Variants in IL1RAPL2 observed in about 807,000 individuals in gnomAD.
The protein encoded by IL1RAPL2 is interleukin 1 receptor accessory protein like 2.
In IL1RAPL2, 3 loss-of-function variants were observed where a neutral mutation model predicts 44.1. The observed-to-expected ratio is 0.07, with a 90% CI of 0.03 to 0.18. IL1RAPL2 has a LOEUF of 0.18. Among genes scored for constraint, IL1RAPL2 ranks in the 10% least tolerant of loss-of-function variants. The pLI is 1.00. For missense variants in IL1RAPL2, 391 were observed against 496.4 expected, an observed-to-expected ratio of 0.79 and a Z score of 2.02; for synonymous variants, 181 against 178.8, an observed-to-expected ratio of 1.01 and a Z score of -0.10.
intron 2 of IL1RAPL2, among the ~76,000 whole-genome samples, chrX:104,726,754 T>A (rs1222324035): frequency 9.0e-6 from 1 of 111,211 alleles, no homozygotes; most frequent in Admixed American, 9.7e-5. Flanking sequence ...TTTGCTGAAG[T>A]TGCTTATCAG....
At chrX:105,542,543 G>GT (rs1261811725) in intron 6 of IL1RAPL2, among the ~76,000 whole-genome samples, 3 of 111,152 alleles carry the variant, frequency 2.7e-5, no homozygotes, top group African/African-American at 9.8e-5. Context: ...TCTCTTTGCA[G>GT]TTTTTTGTCC....
intron 2 of IL1RAPL2, among the ~76,000 whole-genome samples, chrX:105,191,345 G>T (rs1011644675): frequency 3.6e-5 from 4 of 112,303 alleles, no homozygotes; most frequent in African/African-American, 1.3e-4. Context: ...CTCCCAAGTA[G>T]CTGGGACTAC....
chrX:105,234,767 C>T (rs1408327653), intron 4 of IL1RAPL2, among the ~76,000 whole-genome samples: 1 of 105,535 alleles, frequency 9.5e-6, no homozygotes, highest in Non-Finnish European at 1.9e-5. Context: ...GAGATCATGT[C>T]ACTGTACTCC....
intron 5 of IL1RAPL2, among the ~76,000 whole-genome samples, chrX:105,317,939 A>G (rs2034858285): frequency 9.3e-6 from 1 of 107,834 alleles, no homozygotes; most frequent in Admixed American, 9.9e-5. Context: ...CATACATTTT[A>G]CCACTAAGAA....
At chrX:104,894,463 C>A (rs753325653) in intron 2 of IL1RAPL2, among the ~76,000 whole-genome samples, 3 of 111,832 alleles carry the variant, frequency 2.7e-5, no homozygotes, top group Non-Finnish European at 5.6e-5. Flanking sequence ...TCCCATATTT[C>A]TTGGAGGCTT....
intron 2 of IL1RAPL2, among the ~76,000 whole-genome samples, chrX:105,006,683 A>G (rs1225037422): frequency 9.0e-6 from 1 of 111,116 alleles, no homozygotes; most frequent in Non-Finnish European, 1.9e-5. Flanking sequence ...AGATGAGTTC[A>G]TCAATTATTG....
chrX:105,447,781 A>T (rs2035980228), intron 5 of IL1RAPL2, among the ~76,000 whole-genome samples: 1 of 85,439 alleles, frequency 1.2e-5, no homozygotes, highest in African/African-American at 5.1e-5. Context: ...TAAATATATT[A>T]AAAATATATA....
intron 3 of IL1RAPL2, among the ~76,000 whole-genome samples, chrX:105,204,231 G>A (rs1342672963): frequency 9.0e-6 from 1 of 111,603 alleles, no homozygotes; most frequent in East Asian, 2.8e-4. Context: ...CCTTTATGTG[G>A]CAACTGGCCC....
At chrX:105,354,493 T>G (rs56391555) in intron 5 of IL1RAPL2, among the ~76,000 whole-genome samples, 9,767 of 65,607 alleles carry the variant, frequency 0.15, 1,897 homozygotes, top group African/African-American at 0.49. Flanking sequence ...CACACACCAG[T>G]GCCTGTTGTG....
In IL1RAPL2 at chrX:105,328,597, G is replaced by A. The variant is rs73519336; in HGVS notation, c.697+61056G>A. 2.7e-3 allele frequency among the ~76,000 whole-genome samples: 302 copies of A among 111,365 alleles called. 1 individual carries two copies. The highest frequency in any genetic ancestry group is 9.3e-3 in the African/African-American group (287 of 30,714). ...TGCTTCATTTTGGCTTTGGCATTGC[G>A]TTTACCTGCAGCAAAACCCTACAGA... On this transcript the variant is annotated intron_variant, in intron 5 of 10. Transcript: ENST00000372582.
chrX:104,677,848 G>A (rs1034342092), intron 2 of IL1RAPL2, among the ~76,000 whole-genome samples: 5 of 111,934 alleles, frequency 4.5e-5, no homozygotes, highest in Admixed American at 3.7e-4. Context: ...GGGTGGGAGT[G>A]ACCCGATTTT....
intron 6 of IL1RAPL2, among the ~76,000 whole-genome samples, chrX:105,628,672 C>A (rs763501144): frequency 8.3e-4 from 93 of 112,153 alleles, no homozygotes; most frequent in African/African-American, 2.9e-3. Flanking sequence ...TGGTGGCTCA[C>A]GCCTGTAATC....
At chrX:105,543,724 C>A (rs1267203315) in intron 6 of IL1RAPL2, among the ~76,000 whole-genome samples, 1 of 112,043 alleles carries the variant, frequency 8.9e-6, no homozygotes, top group Non-Finnish European at 1.9e-5. Flanking sequence ...GTACCTTAAT[C>A]AAAAATTCAC....
At chrX:105,115,823 G>C (rs1037478367) in intron 2 of IL1RAPL2, among the ~76,000 whole-genome samples, 5 of 112,852 alleles carry the variant, frequency 4.4e-5, no homozygotes, top group Non-Finnish European at 1.9e-5. Flanking sequence ...CGGGAGGCTC[G>C]GGCCGTGCAG....
rs201583112 is a variant in IL1RAPL2 at position 104,582,820 on chromosome X, TTC to T, written c.-20+15773_-20+15774del. Among the ~76,000 whole-genome samples the T allele has an allele frequency of 4.8e-3, 169 of 35,144 alleles. 3 individuals carry two copies. The East Asian group carries it at 0.064, about 13-fold the overall frequency. 30.5% of individuals were successfully genotyped at this position (35,144 alleles called of 115,157 possible). On this transcript the variant is annotated intron_variant, in intron 1 of 10. Transcript: ENST00000372582. Reference sequence around the variant, plus strand: ...CCCTCTCTCTCTTTCTCTCCTTTCTTTCTCTTTCTTTCTTTCTTTCTTTCTTT... The same window carrying T: ...CCCTCTCTCTCTTTCTCTCCTTTCTTTCTTTCTTTCTTTCTTTCTTTCTTT...
At chrX:105,093,235 A>G (rs1023623509) in intron 2 of IL1RAPL2, among the ~76,000 whole-genome samples, 2 of 111,234 alleles carry the variant, frequency 1.8e-5, no homozygotes, top group African/African-American at 6.5e-5. Context: ...AAAGGGGCCT[A>G]TTTTTTATGG....
At chrX:104,957,783 G>C (rs1209842111) in intron 2 of IL1RAPL2, among the ~76,000 whole-genome samples, 2 of 111,464 alleles carry the variant, frequency 1.8e-5, no homozygotes, top group Non-Finnish European at 3.8e-5. Context: ...GTTATTGGTT[G>C]GTTTAAATAC....
At chrX:105,622,115 T>A (rs954466093) in intron 6 of IL1RAPL2, among the ~76,000 whole-genome samples, 2 of 109,832 alleles carry the variant, frequency 1.8e-5, no homozygotes, top group African/African-American at 6.6e-5. Context: ...TCATTTCAAG[T>A]CACCTGCCTT....
chrX:104,603,164 C>T (rs1246866800), intron 1 of IL1RAPL2, among the ~76,000 whole-genome samples: 1 of 111,438 alleles, frequency 9.0e-6, no homozygotes, highest in African/African-American at 3.3e-5. Flanking sequence ...CTGCAGCCTC[C>T]ACTGGTGATA....
Sources: gnomAD v4.1 joint callset for allele counts (sites outside exome capture counted in the v4.1 genomes callset) on GRCh38, gnomAD v4.1.1 for gene constraint, MANE v1.5 for transcripts, NCBI Gene and HGNC (gene_info 2026-07-23, HGNC 2026-07-21) for gene names.